The following CNTN5 variants were observed in gnomAD, a reference collection of about 807,000 sequenced individuals.
CNTN5 encodes contactin-5.
A neutral mutation model predicts 129.1 loss-of-function variants in CNTN5; 77 were observed. The observed-to-expected ratio is 0.60, with a 90% CI of 0.50 to 0.72. The LOEUF (loss-of-function observed/expected upper bound fraction) is 0.72, where lower values mean the gene tolerates loss of function less well. Among genes scored for constraint, CNTN5 ranks in the 30% least tolerant of loss-of-function variants. CNTN5 has a pLI of 0.00. For missense variants in CNTN5, 1,478 were observed against 1,328.8 expected (o/e 1.11, Z -1.75); for synonymous variants, 509 against 465.6 (o/e 1.09, Z -1.20).
chr11:99,201,022 C>T (rs868250178), intron 1 of CNTN5, among the ~76,000 whole-genome samples: 3 of 83,176 alleles, frequency 3.6e-5, no homozygotes, highest in Non-Finnish European at 2.2e-5. Context: ...TCCTTCCTTC[C>T]TTTTTTTTTT....
intron 2 of CNTN5, among the ~76,000 whole-genome samples, chr11:99,478,042 G>T (rs1437924172): frequency 1.3e-5 from 2 of 151,856 alleles, no homozygotes; most frequent in Non-Finnish European, 2.9e-5. Flanking sequence ...TTTAACTAAT[G>T]AGTATTTCAA....
At chr11:100,338,038 C>G (rs1952072119) in intron 21 of CNTN5, among the ~76,000 whole-genome samples, 1 of 152,180 alleles carries the variant, frequency 6.6e-6, no homozygotes, top group African/African-American at 2.4e-5. Context: ...CAATAACACG[C>G]TCCATATAAA....
chr11:100,309,341 C>A, intron 21 of CNTN5: 1 of 982,728 alleles, frequency 1.0e-6, no homozygotes, highest in South Asian at 4.7e-5. Flanking sequence ...ATTTTTAATT[C>A]TATTTGAGTT....
chr11:99,780,919 CTT>C (rs1487073096), intron 3 of CNTN5, among the ~76,000 whole-genome samples: 1 of 151,918 alleles, frequency 6.6e-6, no homozygotes, highest in Non-Finnish European at 1.5e-5. Flanking sequence ...TTATAGATAA[CTT>C]TGTAGATCAG....
At chr11:100,136,419 A>C (rs1435082712) in intron 13 of CNTN5, among the ~76,000 whole-genome samples, 1 of 152,024 alleles carries the variant, frequency 6.6e-6, no homozygotes, top group Non-Finnish European at 1.5e-5. Context: ...TTTTCTTCTA[A>C]TTTAGTTTGA....
At chr11:99,216,980 C>T (rs973706232) in intron 1 of CNTN5, among the ~76,000 whole-genome samples, 3 of 152,000 alleles carry the variant, frequency 2.0e-5, no homozygotes, top group African/African-American at 7.2e-5. Context: ...GTCAAGAAAT[C>T]GAGACCATCC....
intron 2 of CNTN5, among the ~76,000 whole-genome samples, chr11:99,406,262 C>A (rs373482654): frequency 1.3e-5 from 2 of 152,018 alleles, no homozygotes; most frequent in African/African-American, 4.8e-5. Flanking sequence ...TGAAGGGGCA[C>A]CCCAAGCCCA....
intron 3 of CNTN5, among the ~76,000 whole-genome samples, chr11:99,576,118 G>T (rs1267536487): frequency 3.3e-5 from 5 of 152,250 alleles, no homozygotes; most frequent in African/African-American, 9.6e-5. Flanking sequence ...ACAAATAACC[G>T]CTTTTTCCCT....
At chr11:99,287,215 A>G (rs1863976389) in intron 1 of CNTN5, among the ~76,000 whole-genome samples, 1 of 152,150 alleles carries the variant, frequency 6.6e-6, no homozygotes, top group Admixed American at 6.6e-5. Context: ...TGACATTCAT[A>G]TTTCATTTCA....
intron 1 of CNTN5, among the ~76,000 whole-genome samples, chr11:99,209,480 G>C (rs1319042096): frequency 6.4e-5 from 1 of 15,692 alleles, no homozygotes; most frequent in East Asian, 0.038. Context: ...AGTAGATCTT[G>C]CATGAACAGA....
At chr11:99,940,660 T>C (rs1950414344) in intron 7 of CNTN5, among the ~76,000 whole-genome samples, 1 of 152,200 alleles carries the variant, frequency 6.6e-6, no homozygotes, top group South Asian at 2.1e-4. Context: ...TCTTGTCCAC[T>C]TTAAAATACA....
At chr11:99,490,703 A>G (rs1946001958) in intron 2 of CNTN5, among the ~76,000 whole-genome samples, 1 of 152,164 alleles carries the variant, frequency 6.6e-6, no homozygotes, top group African/African-American at 2.4e-5. Context: ...GTCCCCAAAG[A>G]AACCAGAAAT....
chr11:99,691,913 T>C (rs1256125224), intron 3 of CNTN5, among the ~76,000 whole-genome samples: 2 of 152,178 alleles, frequency 1.3e-5, no homozygotes, highest in Non-Finnish European at 2.9e-5. Flanking sequence ...ATTTGCTTTA[T>C]GAATCTGGGT....
At chr11:99,641,515 T>C (rs1269587574) in intron 3 of CNTN5, among the ~76,000 whole-genome samples, 1 of 152,132 alleles carries the variant, frequency 6.6e-6, no homozygotes, top group Non-Finnish European at 1.5e-5. Flanking sequence ...GGGCATGTCC[T>C]GGAAGTTCAC....
At position 100,148,553 on chromosome 11, in the gene CNTN5, T is replaced by C. The variant is rs986928776; in HGVS notation, c.1581-42573T>C. 8.5e-5 allele frequency among the ~76,000 whole-genome samples: 13 copies of C among 152,266 alleles called. No individual in the cohort carries two copies. The South Asian group carries it at 2.7e-3, about 32-fold the overall frequency. ...GTGTAACTGAGATCTGCTAACTAAC[T>C]CCCTTTGATCTCAAGTATTTGTGTG... is the stretch of plus-strand genomic sequence containing the variant. On this transcript the variant is annotated intron_variant, in intron 13 of 24. Coordinates refer to ENST00000524871, the MANE Select transcript of CNTN5 (RefSeq NM_014361.4).
At chr11:99,997,428 A>T (rs1427816841) in intron 8 of CNTN5, among the ~76,000 whole-genome samples, 1 of 152,220 alleles carries the variant, frequency 6.6e-6, no homozygotes, top group African/African-American at 2.4e-5. Context: ...ATTCCTCGAC[A>T]CATACACTCT....
chr11:100,202,530 T>C (rs1948805801), intron 15 of CNTN5, among the ~76,000 whole-genome samples: 1 of 149,884 alleles, frequency 6.7e-6, no homozygotes, highest in East Asian at 1.9e-4. Flanking sequence ...TTCTATTAAA[T>C]ATAGATATAT....
intron 20 of CNTN5, among the ~76,000 whole-genome samples, chr11:100,305,190 G>T (rs1449892979): frequency 6.6e-6 from 1 of 151,570 alleles, no homozygotes; most frequent in Non-Finnish European, 1.5e-5. Context: ...ACAGCTGAAA[G>T]TAGAGTCTGG....
At chr11:99,099,549 T>TACACAC (rs57981357) in intron 1 of CNTN5, among the ~76,000 whole-genome samples, 117 of 149,760 alleles carry the variant, frequency 7.8e-4, no homozygotes, top group African/African-American at 2.8e-3. Flanking sequence ...ATAATGTGTA[T>TACACAC]ACACACACAC....
Sources: gnomAD v4.1 joint callset for allele counts (sites outside exome capture counted in the v4.1 genomes callset) on GRCh38, gnomAD v4.1.1 for gene constraint, MANE v1.5 for transcripts, NCBI Gene and HGNC (gene_info 2026-07-23, HGNC 2026-07-21) for gene names.